The following AIFM3 variants were observed in gnomAD, a reference collection of about 807,000 sequenced individuals.
AIFM3 encodes the protein AIF family member 3, also known as apoptosis-inducing factor 3.
A neutral mutation model predicts 82.7 loss-of-function variants in AIFM3; 71 were observed. That is an observed-to-expected ratio of 0.86 (90% CI 0.71 to 1.05). AIFM3 has a LOEUF of 1.05. Among genes scored for constraint, AIFM3 ranks in the 50% least tolerant of loss-of-function variants. The pLI, the probability that AIFM3 is intolerant of heterozygous loss-of-function variation, is 0.00. For missense variants in AIFM3, 748 were observed against 816.7 expected (o/e 0.92, Z 1.03); for synonymous variants, 337 against 329.1 (o/e 1.02, Z -0.26).
intron 16 of AIFM3, 38 bp downstream of exon 16, chr22:20,978,043 G>T: frequency 6.3e-7 from 1 of 1,596,420 alleles, no homozygotes; most frequent in Non-Finnish European, 8.6e-7. Context: ...GGGTGGGAGG[G>T]AGTCTCAGGG....
intron 17 of AIFM3, 113 bp downstream of exon 17, chr22:20,979,482 C>A: frequency 6.8e-7 from 1 of 1,459,878 alleles, no homozygotes; most frequent in Non-Finnish European, 9.5e-7. Context: ...TAGGAAGAGG[C>A]CGGTAAGAAC....
At position 20,977,989 on chromosome 22, in the gene AIFM3, G is replaced by A. The variant is rs1369373427; in HGVS notation, c.1461G>A (p.Gln487=). 3.7e-6 allele frequency: 6 copies of A among 1,614,050 alleles called. No homozygotes were observed. The East Asian group carries it at 8.9e-5, about 24-fold the overall frequency. The change falls in exon 16 of 21, where the codon CAG becomes CAA. Residue 487 remains glutamine, a synonymous_variant. Transcript: ENST00000440238. The part of the protein sequence containing the change: ...NNRKVNIPHW[Q]MAHAQGRVAA... ...GCAAAGTGAACATTCCACATTGGCA[G>A]ATGGCTCATGCTCAGGGTATGGCCA...
At chr22:20,973,572 G>T (rs764862098) in intron 3 of AIFM3, 52 bp downstream of exon 3, 2 of 1,560,052 alleles carry the variant, frequency 1.3e-6, no homozygotes, top group South Asian at 1.2e-5. Flanking sequence ...AAGGTGGGAG[G>T]GTGAGGGGGC....
chr22:20,976,075 A>C (rs1923628789), intron 9 of AIFM3, 140 bp from the exon 10 acceptor site: 1 of 939,974 alleles, frequency 1.1e-6, no homozygotes, highest in Non-Finnish European at 1.6e-6. Context: ...GTAAAGAATG[A>C]AGCCCAGGTG....
chr22:20,977,278 C>A, intron 14 of AIFM3, 183 bp downstream of exon 14: 2 of 780,172 alleles, frequency 2.6e-6, no homozygotes, highest in Non-Finnish European at 4.1e-6. Context: ...GGGCTCAGCC[C>A]AGGCCTGGCA....
At position 20,979,429 on chromosome 22, in the gene AIFM3, G is replaced by A. The variant is rs1923931155; in HGVS notation, c.1576+60G>A. 2.1e-6 allele frequency: 3 copies of A among 1,454,276 alleles called. No individual in the cohort carries two copies. The Admixed American group carries it at 6.0e-5, about 29-fold the overall frequency. The allele number at this position is 1,454,276 out of a possible 1,614,324, so 90.1% of individuals were successfully genotyped here. ...GGGCGTTTAGGGGCGGGGCTTGGGT[G>A]TGGGGCGGGGCTGGGAGCCTAGGGG... On this transcript the variant is annotated intron_variant, in intron 17 of 20. Coordinates refer to ENST00000440238, the MANE Select transcript of AIFM3 (RefSeq NM_001386814.1).
At chr22:20,979,881 G>A in intron 18 of AIFM3, 139 bp from the exon 19 acceptor site, 17 of 1,120,912 alleles carry the variant, frequency 1.5e-5, no homozygotes, top group Non-Finnish European at 2.2e-5. Context: ...GCAAAGCAGG[G>A]AGGGCTGGGT....
chr22:20,973,096 G>A (rs1042376411), intron 2 of AIFM3, among the ~76,000 whole-genome samples: 2 of 151,426 alleles, frequency 1.3e-5, no homozygotes, highest in Middle Eastern at 3.4e-3. Flanking sequence ...AAGCAGACCC[G>A]GGAGCACCCC....
chr22:20,973,556 G>T (rs201257246), intron 3 of AIFM3, 36 bp downstream of exon 3: 1 of 1,586,328 alleles, frequency 6.3e-7, no homozygotes. Context: ...GGGGATCAGG[G>T]GTCCCAAGGT....
chr22:20,975,622 C>A (rs1428355319), intron 8 of AIFM3, 70 bp from the exon 9 acceptor site: 2 of 1,505,890 alleles, frequency 1.3e-6, no homozygotes, highest in Admixed American at 3.3e-5. Context: ...CTGGGGCTGG[C>A]CCCACCTTCC....
intron 2 of AIFM3, among the ~76,000 whole-genome samples, chr22:20,969,232 C>T (rs1212256616): frequency 1.3e-5 from 2 of 152,210 alleles, no homozygotes; most frequent in Non-Finnish European, 2.9e-5. Context: ...CTGCCTGGGA[C>T]CCGTGGCCCC....
chr22:20,978,076 C>G, intron 16 of AIFM3, 71 bp downstream of exon 16: 6 of 1,447,452 alleles, frequency 4.1e-6, no homozygotes, highest in Non-Finnish European at 5.8e-6. Context: ...CATGCCCATG[C>G]CTCAGTTGCT....
intron 14 of AIFM3, 62 bp from the exon 15 acceptor site, chr22:20,977,638 G>A: frequency 6.2e-7 from 1 of 1,601,412 alleles, no homozygotes; most frequent in Non-Finnish European, 8.6e-7. Flanking sequence ...GCTGTAGGGT[G>A]TGGAGAGTGA....
intron 18 of AIFM3, 156 bp from the exon 19 acceptor site, chr22:20,979,864 G>A: frequency 8.7e-7 from 1 of 1,144,482 alleles, no homozygotes; most frequent in Non-Finnish European, 1.3e-6. Flanking sequence ...CGGTCAAGCC[G>A]CGATGTGCAA....
chr22:20,973,202 G>C, intron 2 of AIFM3, 105 bp from the exon 3 acceptor site: 1 of 1,343,390 alleles, frequency 7.4e-7, no homozygotes. Context: ...GCCAGGCAGG[G>C]CTGAGCCTCC....
intron 13 of AIFM3, 33 bp from the exon 14 acceptor site, chr22:20,976,999 G>A (rs767619338): frequency 5.6e-6 from 9 of 1,614,058 alleles, no homozygotes; most frequent in Non-Finnish European, 6.8e-6. Context: ...CCTGGGAGCT[G>A]GGTCCACCTG....
In AIFM3 at chr22:20,977,737, C is replaced by A. The variant is rs1188472398; in HGVS notation, c.1320C>A (p.Gly440=). 6.2e-7 allele frequency: 1 copy of A among 1,614,182 alleles called. No individual in the cohort carries two copies. Among genetic ancestry groups the A allele is most frequent in the Non-Finnish European group, 8.5e-7 (1 of 1,180,030 alleles). Residue 440 remains glycine (G), a synonymous_variant, in exon 15 of 21, where the codon GGC becomes GGA. Transcript: ENST00000440238. ...VPATGFLRQS[G]IGLDSRGFIP... ...CCACAGGCTTCCTGAGGCAAAGCGG[C>A]ATCGGTTTGGATTCCCGAGGCTTCA...
At chr22:20,970,822 T>C (rs1391137383) in intron 2 of AIFM3, among the ~76,000 whole-genome samples, 1 of 152,194 alleles carries the variant, frequency 6.6e-6, no homozygotes, top group Non-Finnish European at 1.5e-5. Context: ...AGGCTGGTCT[T>C]GAACTCCTGG....
rs371705249 is a variant in AIFM3 at position 20,976,230 on chromosome 22, G to C, written c.823G>C (p.Val275Leu). ...GGGATTGCAGGTGGTCACAGTGGAC[G>C]TGAGAACTAAGAAGGTCGTGTTCAA... ...LTEAQVVTVD[V>L]RTKKVVFKDG... is the part of the protein sequence containing the mutation. Residue 275 changes from valine to leucine, a missense_variant, in exon 10 of 21, where the codon GTG becomes CTG. Val to Leu is a conservative substitution (Grantham distance 32). Coordinates refer to ENST00000440238, the MANE Select transcript of AIFM3 (RefSeq NM_001386814.1). The C allele has an allele frequency of 1.2e-6, 2 of 1,613,700 alleles. No individual in the cohort carries two copies. The highest frequency in any genetic ancestry group is 2.2e-5 in the East Asian group (1 of 44,864).
Sources: gnomAD v4.1 joint callset for allele counts (sites outside exome capture counted in the v4.1 genomes callset) on GRCh38, gnomAD v4.1.1 for gene constraint, MANE v1.5 for transcripts, NCBI Gene and HGNC (gene_info 2026-07-23, HGNC 2026-07-21) for gene names.